P2RX2: variants seen among roughly 807,000 people sequenced by gnomAD.
The protein encoded by P2RX2 is P2X purinoceptor 2.
Under a neutral mutation model 54.8 loss-of-function variants are expected in P2RX2, and 50 were observed. The ratio of observed to expected loss-of-function variants is 0.91; its 90% CI spans 0.73 to 1.15. The LOEUF is 1.15. Among genes scored for constraint, P2RX2 ranks in the 50% most tolerant of loss-of-function variants. P2RX2 has a pLI of 0.00. For missense variants in P2RX2, 658 were observed against 633.2 expected, an observed-to-expected ratio of 1.04 and a Z score of -0.42; for synonymous variants, 289 against 259.4, an observed-to-expected ratio of 1.11 and a Z score of -1.09.
intron 7 of P2RX2, 133 bp downstream of exon 7, chr12:132,620,716 TCAG>T (rs2041629235): frequency 9.0e-7 from 1 of 1,108,234 alleles, no homozygotes. Context: ...AGAAATGCGA[TCAG>T]CGCAACCCAT....
At chr12:132,620,972 G>A in intron 7 of P2RX2, 29 bp from the exon 8 acceptor site, 1 of 1,603,354 alleles carries the variant, frequency 6.2e-7, no homozygotes, top group Non-Finnish European at 8.5e-7. Context: ...GTGCCCTCCT[G>A]ACCCCCTTCT....
rs777827527 is a variant in P2RX2, at chr12:132,620,576, C to G, written c.767C>G (p.Ala256Gly). 6.2e-7 allele frequency: 1 copy of G among 1,612,664 alleles called. No individual in the cohort carries two copies. The highest frequency in any genetic ancestry group is 8.5e-7 in the Non-Finnish European group (1 of 1,179,790). ...GCTGGGGAGAGCTTCACAGAGCTCG[C>G]ACACAAGGCAGGGCAAGCGCAGGCA... Reference protein sequence around the residue: ...EKAGESFTELAHKGGVIGVII... With the variant: ...EKAGESFTELGHKGGVIGVII... Residue 256 changes from alanine to glycine, a missense_variant, in exon 7 of 11, where the codon GCA (alanine) becomes GGA (glycine). Coordinates refer to ENST00000643471, the MANE Select transcript of P2RX2 (RefSeq NM_170682.4).
chr12:132,619,506 A>G lies in P2RX2; in HGVS notation c.241A>G (p.Lys81Glu). ...GGGCCCCGAGAGCTCCATCATCACC[A>G]AGGTCAAGGGGATCACCACGTCCGA... The part of the protein sequence containing the change: ...ETGPESSIIT[K>E]VKGITTSEHK... Residue 81 changes from lysine to glutamate, a missense_variant, in exon 2 of 11, where the codon AAG (lysine) becomes GAG (glutamate). Transcript: ENST00000643471. The G allele has an allele frequency of 6.2e-7, 1 of 1,612,232 alleles. No individual in the cohort carries two copies. The highest frequency in any genetic ancestry group is 8.5e-7 in the Non-Finnish European group (1 of 1,179,238).
Position 132,618,833 on chromosome 12 carries a change from C to T in P2RX2, c.17C>T (p.Pro6Leu). The change falls in exon 1 of 11, where the codon CCC becomes CTC. Residue 6 changes from proline (P) to leucine (L), a missense_variant. Coordinates refer to ENST00000643471, the MANE Select transcript of P2RX2 (RefSeq NM_170682.4). ...GCCCGCGCCATGGCCGCCGCCCAGC[C>T]CAAGTACCCCGCCGGGGCGACCGCC... MAAAQ[P>L]KYPAGATARR... is the part of the protein sequence containing the mutation. 7.5e-7 allele frequency: 1 copy of T among 1,324,688 alleles called. No homozygotes were observed. Among genetic ancestry groups the T allele is most frequent in the Non-Finnish European group, 9.7e-7 (1 of 1,032,206 alleles). The allele number at this position is 1,324,688 out of a possible 1,614,324, so 82.1% of individuals were successfully genotyped here.
Position 132,618,862 on chromosome 12 carries a change from C to T in P2RX2, c.46C>T (p.Arg16Cys). 7.3e-7 allele frequency: 1 copy of T among 1,371,400 alleles called. No individual in the cohort carries two copies. The highest frequency in any genetic ancestry group is 9.5e-7 in the Non-Finnish European group (1 of 1,055,696). The allele number at this position is 1,371,400 out of a possible 1,614,324, so 85.0% of individuals were successfully genotyped here. ...GTACCCCGCCGGGGCGACCGCCCGG[C>T]GCCTGGCCCGGGGCTGCTGGTCCGC... ...PKYPAGATAR[R>C]LARGCWSALW... The change falls in exon 1 of 11, where the codon CGC (arginine) becomes TGC (cysteine). Residue 16 changes from arginine (R) to cysteine (C), a missense_variant. Physicochemically the swap from Arg to Cys is radical, Grantham distance 180. Transcript: ENST00000643471.
Position 132,619,828 on chromosome 12 carries a change from G to T in P2RX2, c.382-16G>T. On this transcript the variant is annotated splice_polypyrimidine_tract_variant and intron_variant, in intron 3 of 10. Transcript: ENST00000643471. ...TGTCCCTTGCGGGGTCCCTGACTGG[G>T]CCGCCTCCACCCTAGAGCATAAGGG... 2 of 1,610,564 alleles carry T rather than the reference G, an allele frequency of 1.2e-6. No individual in the cohort carries two copies. The highest frequency in any genetic ancestry group is 1.7e-6 in the Non-Finnish European group (2 of 1,179,192).
In P2RX2 at chr12:132,618,803, G is replaced by A. The variant is rs977750003; in HGVS notation, c.-14G>A. ...CCCTGCAGCGCCTTCCTGGAGGTGG[G>A]GGCCGCCCGCGCCATGGCCGCCGCC... On this transcript the variant is annotated 5_prime_UTR_variant, in exon 1 of 11. Coordinates refer to ENST00000643471, the MANE Select transcript of P2RX2 (RefSeq NM_170682.4). 5 of 1,232,456 alleles carry A rather than the reference G, an allele frequency of 4.1e-6. No homozygotes were observed. The highest frequency in any genetic ancestry group is 1.6e-5 in the African/African-American group (1 of 63,344). The allele number at this position is 1,232,456 out of a possible 1,614,324, so 76.3% of individuals were successfully genotyped here.
In P2RX2 at chr12:132,621,092, A is replaced by G. The variant is rs1421005550; in HGVS notation, c.866A>G (p.Asp289Gly). ...CCCAAGTACTCCTTCCGGAGGCTTG[A>G]CCCCAAGCACGTGCCTGCCTCGTCA... ...CNPKYSFRRL[D>G]PKHVPASSGY... Residue 289 changes from aspartate (D) to glycine (G), a missense_variant, in exon 8 of 11, where the codon GAC (aspartate) becomes GGC (glycine). By Grantham distance (94) the Asp-to-Gly change is moderately conservative (BLOSUM62 -1). Transcript: ENST00000643471. 2 of 1,613,896 alleles carry G rather than the reference A, an allele frequency of 1.2e-6. No individual in the cohort carries two copies. The highest frequency in any genetic ancestry group is 2.7e-5 in the African/African-American group (2 of 74,878).
chr12:132,620,600 C>G lies in P2RX2; in HGVS notation c.774+17C>G, dbSNP rs769032509. The G allele has an allele frequency of 1.9e-5, 31 of 1,608,482 alleles. No individual in the cohort carries two copies. The highest frequency in any genetic ancestry group is 3.3e-5 in the Admixed American group (2 of 59,948). ...GCACACAAGGCAGGGCAAGCGCAGG[C>G]AGGGTGGGGCCAGGGTGGGCTCCCA... On this transcript the variant is annotated intron_variant, in intron 7 of 10. Coordinates refer to ENST00000643471, the MANE Select transcript of P2RX2 (RefSeq NM_170682.4).
chr12:132,620,769 G>A (rs1305907181), intron 7 of P2RX2, among the ~76,000 whole-genome samples, 186 bp downstream of exon 7: 1 of 152,216 alleles, frequency 6.6e-6, no homozygotes, highest in African/African-American at 2.4e-5. Context: ...CTGGCCATGG[G>A]GCTGGCTGCT....
At position 132,619,937 on chromosome 12, in the gene P2RX2, G is replaced by T; in HGVS notation, c.457+18G>T. 6.3e-7 allele frequency: 1 copy of T among 1,593,854 alleles called. No individual in the cohort carries two copies. The highest frequency in any genetic ancestry group is 8.5e-7 in the Non-Finnish European group (1 of 1,171,920). On this transcript the variant is annotated intron_variant, in intron 4 of 10. Transcript: ENST00000643471. Reference sequence around the variant, plus strand: ...GGGAAACGGTCGGTGTGCGCCAGCTGGGGCTGGGCGGGTGGGGCAGGGCTG... The same window carrying T: ...GGGAAACGGTCGGTGTGCGCCAGCTTGGGCTGGGCGGGTGGGGCAGGGCTG...
chr12:132,621,930 A>AGCCTCCACACCCAC lies in P2RX2; in HGVS notation c.1375_1388dup (p.Asp464ProfsTer45). ...ACACTCCTGCCTCCGAGCCTGCCCAAGCCTCCACACCCACAGACCCCAAAG... is the reference window on the plus strand; with the variant it reads ...ACACTCCTGCCTCCGAGCCTGCCCAAGCCTCCACACCCACGCCTCCACACCCACAGACCCCAAAG... On this transcript the variant is annotated frameshift_variant, in exon 11 of 11. Coordinates refer to ENST00000643471, the MANE Select transcript of P2RX2 (RefSeq NM_170682.4). LOFTEE classifies it high-confidence loss of function. 6.2e-7 allele frequency: 1 copy of AGCCTCCACACCCAC among 1,613,798 alleles called. No homozygotes were observed. The highest frequency in any genetic ancestry group is 8.5e-7 in the Non-Finnish European group (1 of 1,180,008).
chr12:132,620,886 CG>C (rs1434671876), intron 7 of P2RX2, 114 bp from the exon 8 acceptor site: 91 of 600,364 alleles, frequency 1.5e-4, no homozygotes, highest in Non-Finnish European at 1.7e-4. Flanking sequence ...CCCGGGCTCT[CG>C]AGGGGCCTCT....
At position 132,621,874 on chromosome 12, in the gene P2RX2, C is replaced by T; in HGVS notation, c.1318C>T (p.Pro440Ser). Residue 440 changes from proline to serine, a missense_variant, in exon 11 of 11, where the codon CCC becomes TCC. By Grantham distance (74) the Pro-to-Ser change is moderately conservative. Coordinates refer to ENST00000643471, the MANE Select transcript of P2RX2 (RefSeq NM_170682.4). ...GPAFPPLRPCPISAPSEQMVD... is the reference protein window; with the variant it reads ...GPAFPPLRPCSISAPSEQMVD... Reference sequence around the variant, plus strand: ...AGCCTTCCCGCCCCTGCGGCCTTGCCCCATCTCTGCCCCTTCTGAGCAGAT... The same window carrying T: ...AGCCTTCCCGCCCCTGCGGCCTTGCTCCATCTCTGCCCCTTCTGAGCAGAT... The T allele has an allele frequency of 6.8e-6, 11 of 1,613,348 alleles. No homozygotes were observed. Among genetic ancestry groups the T allele is most frequent in the Non-Finnish European group, 8.5e-6 (10 of 1,179,916 alleles).
rs777825395 is a variant in P2RX2, at chr12:132,619,553, G to A, written c.288G>A (p.Glu96=). Residue 96 remains glutamate (E), a synonymous_variant, in exon 2 of 11, where the codon GAG becomes GAA. Transcript: ENST00000643471. The part of the protein sequence containing the change: ...TTSEHKVWDV[E]EYVKPPEGGS... Reference sequence around the variant, plus strand: ...CCGAGCACAAAGTGTGGGACGTGGAGGAGTACGTGAAGCCCCCCGAGGTGC... The same window carrying A: ...CCGAGCACAAAGTGTGGGACGTGGAAGAGTACGTGAAGCCCCCCGAGGTGC... The A allele has an allele frequency of 3.7e-6, 6 of 1,611,982 alleles. No homozygotes were observed. The highest frequency in any genetic ancestry group is 5.1e-6 in the Non-Finnish European group (6 of 1,179,276).
intron 9 of P2RX2, 31 bp downstream of exon 9, chr12:132,621,376 G>T (rs1169866968): frequency 1.9e-6 from 3 of 1,613,172 alleles, no homozygotes; most frequent in South Asian, 1.1e-5. Context: ...TGGGTGGCCA[G>T]CCCTGCTAGC....
chr12:132,618,901 G>T lies in P2RX2; in HGVS notation c.85G>T (p.Glu29Ter), dbSNP rs756505870. Residue 29 changes from glutamate (E) to a stop codon, truncating the protein, a stop_gained, in exon 1 of 11, where the codon GAG (glutamate) becomes TAG (stop). Coordinates refer to ENST00000643471, the MANE Select transcript of P2RX2 (RefSeq NM_170682.4). LOFTEE classifies it high-confidence loss of function. ...RGCWSALWDY[E>*]TPKVIVVRNR... ...CTGCTGGTCCGCCCTCTGGGACTAC[G>T]AGACGCCCAAGGTGATCGTGGTGAG... 14 of 1,362,220 alleles carry T rather than the reference G, an allele frequency of 1.0e-5. No homozygotes were observed. In the Admixed American group the frequency reaches 3.0e-4, roughly 29 times the overall value. The allele number at this position is 1,362,220 out of a possible 1,614,324, so 84.4% of individuals were successfully genotyped here. A position where few individuals can be genotyped will look rare whatever the true frequency, so the allele number is the denominator to read the frequency against.
intron 7 of P2RX2, 100 bp downstream of exon 7, chr12:132,620,683 TG>T: frequency 1.5e-6 from 2 of 1,320,462 alleles, no homozygotes; most frequent in Non-Finnish European, 2.1e-6. Flanking sequence ...CCTGACCAGC[TG>T]GCCCCGCTCA....
chr12:132,619,629 A>G, intron 2 of P2RX2, 50 bp from the exon 3 acceptor site: 1 of 1,578,044 alleles, frequency 6.3e-7, no homozygotes. Context: ...TAGTGGGCGG[A>G]GGGGGCAGCG....
Sources: allele counts gnomAD v4.1 joint callset (sites outside exome capture counted in the v4.1 genomes callset), GRCh38; gene constraint gnomAD v4.1.1; transcripts MANE v1.5; gene names NCBI Gene and HGNC (gene_info 2026-07-23, HGNC 2026-07-21).